SLC22A4: variants seen among roughly 807,000 people sequenced by gnomAD.
SLC22A4 encodes solute carrier family 22 member 4, also known as ET transporter.
A neutral mutation model predicts 56.6 loss-of-function variants in SLC22A4; 39 were observed. The ratio of observed to expected loss-of-function variants is 0.69; its 90% CI spans 0.53 to 0.90. The LOEUF (loss-of-function observed/expected upper bound fraction) is 0.90. Ranked by LOEUF, SLC22A4 falls within the 40% of genes least tolerant of loss-of-function variation. The pLI is 0.00. For synonymous variants in SLC22A4, 241 were observed against 281.4 expected, an observed-to-expected ratio of 0.86 and a Z score of 1.44; for missense variants, 594 against 696.5, an observed-to-expected ratio of 0.85 and a Z score of 1.66.
At chr5:132,328,600 A>G (rs1184133132) in intron 5 of SLC22A4, among the ~76,000 whole-genome samples, 1 of 124,224 alleles carries the variant, frequency 8.0e-6, no homozygotes, top group Non-Finnish European at 1.7e-5. Context: ...AACAACAACA[A>G]CAACATTGGG....
chr5:132,301,523 T>G (rs1203767380), intron 1 of SLC22A4, among the ~76,000 whole-genome samples: 1 of 152,190 alleles, frequency 6.6e-6, no homozygotes, highest in Non-Finnish European at 1.5e-5. Flanking sequence ...GGCACTAGCC[T>G]TGTGCTTTCC....
chr5:132,295,036 C>A (rs1434791361), intron 1 of SLC22A4, 27 bp downstream of exon 1: 1 of 1,592,422 alleles, frequency 6.3e-7, no homozygotes. Flanking sequence ...GACCGTTGAC[C>A]CGGGAGTGCC....
intron 9 of SLC22A4, 138 bp downstream of exon 9, chr5:132,340,838 G>A: frequency 2.2e-6 from 2 of 926,664 alleles, no homozygotes; most frequent in Non-Finnish European, 3.4e-6. Flanking sequence ...ATTGTTGGCT[G>A]GGCACAGTGG....
In SLC22A4 at chr5:132,336,131, A is replaced by C. The variant is rs1034234184; in HGVS notation, c.1444+131A>C. On this transcript the variant is annotated intron_variant, in intron 8 of 9. Transcript: ENST00000200652. ...AGTACAAGTTCACCTCTCCTCTCCC[A>C]GGAGGAGCTCTAGAAAGCCAATCAC... 7.6e-6 allele frequency: 7 copies of C among 921,080 alleles called. 1 individual carries two copies. The highest frequency in any genetic ancestry group is 5.7e-5 in the South Asian group (4 of 70,300). 57.1% of individuals were successfully genotyped at this position (921,080 alleles called of 1,614,324 possible). A position where few individuals can be genotyped will look rare whatever the true frequency, so the allele number is the denominator to read the frequency against.
intron 6 of SLC22A4, among the ~76,000 whole-genome samples, chr5:132,332,730 G>A (rs1189521306): frequency 6.9e-6 from 1 of 145,654 alleles, no homozygotes; most frequent in Admixed American, 6.9e-5. Context: ...TATGATGGCA[G>A]CACACACACA....
intron 4 of SLC22A4, among the ~76,000 whole-genome samples, chr5:132,323,354 C>T (rs1750597593): frequency 6.6e-6 from 1 of 152,196 alleles, no homozygotes; most frequent in Admixed American, 6.5e-5. Context: ...TATCTTACTG[C>T]AGCTGTTAGG....
chr5:132,334,770 C>T lies in SLC22A4; in HGVS notation c.1099C>T (p.His367Tyr), dbSNP rs762870150. 4 of 1,614,050 alleles carry T rather than the reference C, an allele frequency of 2.5e-6. No homozygotes were observed. The Admixed American group carries it at 5.0e-5, about 20-fold the overall frequency. The change falls in exon 7 of 10, where the codon CAT becomes TAT. Residue 367 changes from histidine (H) to tyrosine (Y), a missense_variant. Physicochemically the swap from His to Tyr is moderately conservative, Grantham distance 83 (BLOSUM62 2). Transcript: ENST00000200652. ...TCTGTCTCTGGATGCTCCTAATTTACATGGAGATGCCTACCTGAACTGTTT... is the reference window on the plus strand; with the variant it reads ...TCTGTCTCTGGATGCTCCTAATTTATATGGAGATGCCTACCTGAACTGTTT... ...FALSLDAPNL[H>Y]GDAYLNCFLS...
chr5:132,314,993 G>C (rs1285733259), intron 3 of SLC22A4, among the ~76,000 whole-genome samples: 1 of 152,160 alleles, frequency 6.6e-6, no homozygotes, highest in Non-Finnish European at 1.5e-5. Context: ...AAGGAGCGGG[G>C]CAAGATTTTC....
chr5:132,305,880 G>C (rs270615), intron 1 of SLC22A4, among the ~76,000 whole-genome samples: 108,409 of 152,094 alleles, frequency 0.71, 39,315 homozygotes, highest in African/African-American at 0.83. Flanking sequence ...ATTCCAGAAG[G>C]CCTTAACAAG....
intron 8 of SLC22A4, among the ~76,000 whole-genome samples, 181 bp from the exon 9 acceptor site, chr5:132,340,384 T>C (rs1332934206): frequency 6.6e-6 from 1 of 152,230 alleles, no homozygotes; most frequent in Non-Finnish European, 1.5e-5. Context: ...AAAAGGATTA[T>C]AGACATGCAC....
At chr5:132,312,012 C>A in intron 1 of SLC22A4, 149 bp from the exon 2 acceptor site, 1 of 743,392 alleles carries the variant, frequency 1.3e-6, no homozygotes, top group African/African-American at 1.7e-5. Flanking sequence ...CCCAGGGCTG[C>A]AAGGCCTATG....
chr5:132,324,867 CA>C (rs200862954), intron 4 of SLC22A4, among the ~76,000 whole-genome samples: 6 of 150,576 alleles, frequency 4.0e-5, no homozygotes, highest in Non-Finnish European at 8.9e-5. Flanking sequence ...TTATGTGCAC[CA>C]AAAAAAAATC....
chr5:132,297,879 T>C (rs534709069), intron 1 of SLC22A4, among the ~76,000 whole-genome samples: 1 of 151,958 alleles, frequency 6.6e-6, no homozygotes, highest in African/African-American at 2.4e-5. Context: ...GCCCAAGAGT[T>C]TGAGGTTGCA....
In SLC22A4 at chr5:132,304,515, G is replaced by A. The variant is rs555205829; in HGVS notation, c.394-7646G>A. On this transcript the variant is annotated intron_variant, in intron 1 of 9. Transcript: ENST00000200652. ...CCCTGTAATCCCAGCTACTCAGGAG[G>A]CCGAGGCAGGAGAATTGCTGGAACC... Among the ~76,000 whole-genome samples the A allele has an allele frequency of 3.3e-3, 507 of 152,260 alleles. 4 individuals are homozygous for A. Among genetic ancestry groups the A allele is most frequent in the African/African-American group, 0.012 (483 of 41,540 alleles).
chr5:132,318,594 T>C (rs1179903799), intron 3 of SLC22A4, among the ~76,000 whole-genome samples: 1 of 152,122 alleles, frequency 6.6e-6, no homozygotes, highest in African/African-American at 2.4e-5. Context: ...CAGCGGTTCC[T>C]GGGGCAGGTA....
chr5:132,318,863 G>A (rs1437645307), intron 3 of SLC22A4, among the ~76,000 whole-genome samples: 1 of 152,084 alleles, frequency 6.6e-6, no homozygotes, highest in African/African-American at 2.4e-5. Flanking sequence ...AGCATAGGGG[G>A]CCAGGACAGG....
intron 1 of SLC22A4, among the ~76,000 whole-genome samples, chr5:132,306,393 AT>A (rs1750034415): frequency 8.8e-5 from 1 of 11,400 alleles, no homozygotes; most frequent in African/African-American, 5.4e-4. Flanking sequence ...AAATATATAT[AT>A]ATATATATAT....
At chr5:132,330,886 C>T (rs1750838620) in intron 5 of SLC22A4, among the ~76,000 whole-genome samples, 1 of 152,160 alleles carries the variant, frequency 6.6e-6, no homozygotes, top group African/African-American at 2.4e-5. Context: ...TACCATGGTT[C>T]AAGCACTGTG....
chr5:132,334,615 G>T, intron 6 of SLC22A4, 103 bp from the exon 7 acceptor site: 1 of 822,080 alleles, frequency 1.2e-6, no homozygotes. Flanking sequence ...AATGAGGGTA[G>T]TGGCTACTTA....
Sources: allele counts gnomAD v4.1 joint callset (sites outside exome capture counted in the v4.1 genomes callset), GRCh38; gene constraint gnomAD v4.1.1; transcripts MANE v1.5; gene names NCBI Gene and HGNC (gene_info 2026-07-23, HGNC 2026-07-21).